STK32B: variants seen among roughly 807,000 people sequenced by gnomAD.
The protein encoded by STK32B is serine/threonine kinase 32B.
A neutral mutation model predicts 52.6 loss-of-function variants in STK32B; 43 were observed. That is an observed-to-expected ratio of 0.82 (90% CI 0.64 to 1.05). STK32B has a LOEUF of 1.05. Ranked by LOEUF, STK32B falls within the 50% of genes least tolerant of loss-of-function variation. The pLI is 0.00. For synonymous variants in STK32B, 238 were observed against 204.3 expected (o/e 1.17, Z -1.41); for missense variants, 621 against 534.6 (o/e 1.16, Z -1.59).
At chr4:5,367,202 C>A (rs967113948) in intron 4 of STK32B, among the ~76,000 whole-genome samples, 2 of 152,156 alleles carry the variant, frequency 1.3e-5, no homozygotes, top group Admixed American at 6.5e-5. Context: ...TGAAGTTGCT[C>A]TTGTCACCGT....
At chr4:5,084,823 A>C (rs1386470498) in intron 1 of STK32B, among the ~76,000 whole-genome samples, 1 of 152,232 alleles carries the variant, frequency 6.6e-6, no homozygotes, top group East Asian at 1.9e-4. Flanking sequence ...TTTTAAAGAC[A>C]ACCTTTAATG....
At chr4:5,233,181 A>G (rs68130454) in intron 3 of STK32B, among the ~76,000 whole-genome samples, 4,540 of 152,240 alleles carry the variant, frequency 0.03, 137 homozygotes, top group African/African-American at 0.077. Flanking sequence ...AGTAGCAGCA[A>G]TGGGGAATGG....
intron 3 of STK32B, among the ~76,000 whole-genome samples, chr4:5,302,484 G>A (rs1228933242): frequency 2.6e-5 from 4 of 151,922 alleles, no homozygotes; most frequent in Admixed American, 6.6e-5. Flanking sequence ...TTCTGAAATC[G>A]TCTGCATATA....
chr4:5,137,925 A>G (rs1716169474), intron 1 of STK32B, among the ~76,000 whole-genome samples: 1 of 139,486 alleles, frequency 7.2e-6, no homozygotes, highest in African/African-American at 3.2e-5. Flanking sequence ...GGTGCTATTC[A>G]GGGAACCCGT....
intron 1 of STK32B, among the ~76,000 whole-genome samples, chr4:5,084,076 C>T (rs1712587868): frequency 6.6e-6 from 1 of 152,178 alleles, no homozygotes; most frequent in East Asian, 1.9e-4. Flanking sequence ...CTGTTTCTCT[C>T]TGCAACACTA....
rs371842686 is a variant in STK32B at position 5,346,907 on chromosome 4, A to G, written c.434+15514A>G. Among the ~76,000 whole-genome samples, 17 of 152,332 alleles carry G rather than the reference A, an allele frequency of 1.1e-4. 1 individual carries two copies. Among genetic ancestry groups the G allele is most frequent in the African/African-American group, 3.8e-4 (16 of 41,576 alleles). On this transcript the variant is annotated intron_variant, in intron 4 of 11. Transcript: ENST00000282908. ...AATCATGGTGGAAAGGGAAGCAAGCATGTCTTAGATGGTGGCAAGTAAGAG... is the reference window on the plus strand; with the variant it reads ...AATCATGGTGGAAAGGGAAGCAAGCGTGTCTTAGATGGTGGCAAGTAAGAG...
chr4:5,105,731 T>C (rs1472288963), intron 1 of STK32B, among the ~76,000 whole-genome samples: 3 of 151,578 alleles, frequency 2.0e-5, no homozygotes, highest in South Asian at 2.1e-4. Context: ...GCCTGGCTAA[T>C]TTTTTGTATT....
At chr4:5,243,746 A>G (rs1031197561) in intron 3 of STK32B, among the ~76,000 whole-genome samples, 18 of 152,144 alleles carry the variant, frequency 1.2e-4, no homozygotes, top group Admixed American at 2.6e-4. Flanking sequence ...ATTTTGAGAT[A>G]TGTCCCATCA....
intron 3 of STK32B, among the ~76,000 whole-genome samples, chr4:5,272,029 T>C (rs1329652092): frequency 6.1e-5 from 9 of 148,456 alleles, no homozygotes; most frequent in East Asian, 2.0e-4. Flanking sequence ...TGGCCAGAAC[T>C]TCCAACACTA....
chr4:5,325,750 G>C (rs1731830113), intron 3 of STK32B, among the ~76,000 whole-genome samples: 1 of 152,214 alleles, frequency 6.6e-6, no homozygotes, highest in Admixed American at 6.5e-5. Context: ...CCATAGGTCA[G>C]AGTTACTGTG....
intron 3 of STK32B, among the ~76,000 whole-genome samples, chr4:5,191,988 G>A (rs1721245073): frequency 6.6e-6 from 1 of 152,186 alleles, no homozygotes; most frequent in African/African-American, 2.4e-5. Context: ...TCCAACCAGA[G>A]GCTGCACAGT....
intron 3 of STK32B, among the ~76,000 whole-genome samples, chr4:5,238,236 G>A (rs1005935471): frequency 4.6e-5 from 7 of 152,172 alleles, no homozygotes; most frequent in Admixed American, 4.6e-4. Context: ...TCTGAAATCT[G>A]TGGGAGAGGC....
chr4:5,189,638 A>T (rs1035134762), intron 3 of STK32B, among the ~76,000 whole-genome samples: 3 of 152,184 alleles, frequency 2.0e-5, no homozygotes, highest in Non-Finnish European at 1.5e-5. Flanking sequence ...GTTTTTCTGC[A>T]GACGTACATT....
intron 5 of STK32B, among the ~76,000 whole-genome samples, chr4:5,404,783 G>C (rs182965704): frequency 1.1e-4 from 16 of 151,826 alleles, no homozygotes; most frequent in African/African-American, 3.4e-4. Context: ...ATGGTAATGG[G>C]AATTTGGACT....
At chr4:5,068,587 A>G (rs560025573) in intron 1 of STK32B, among the ~76,000 whole-genome samples, 2 of 151,910 alleles carry the variant, frequency 1.3e-5, no homozygotes, top group South Asian at 4.2e-4. Context: ...ATAACTGAAA[A>G]GCTCTTTCCC....
At chr4:5,180,871 A>G (rs1369034500) in intron 3 of STK32B, among the ~76,000 whole-genome samples, 1 of 152,182 alleles carries the variant, frequency 6.6e-6, no homozygotes, top group Non-Finnish European at 1.5e-5. Context: ...TAAGCCTGTG[A>G]TGACCCAAGT....
Position 5,434,450 on chromosome 4 carries a change from G to GT in STK32B, c.563-12222dup, listed in dbSNP as rs1433116826. On this transcript the variant is annotated intron_variant, in intron 6 of 11. Coordinates refer to ENST00000282908, the MANE Select transcript of STK32B (RefSeq NM_018401.3). Reference sequence around the variant, plus strand: ...TGCATGTATGTGTGTGTGTGTGTGTGTGTGTATATATATATATATATATGA... The same window carrying GT: ...TGCATGTATGTGTGTGTGTGTGTGTGTTGTGTATATATATATATATATATGA... Among the ~76,000 whole-genome samples, 7 of 103,300 alleles carry GT rather than the reference G, an allele frequency of 6.8e-5. No homozygotes were observed. In the Admixed American group the frequency reaches 8.2e-4, roughly 12 times the overall value. 67.8% of individuals were successfully genotyped at this position (103,300 alleles called of 152,430 possible). A position where few individuals can be genotyped will look rare whatever the true frequency, so the allele number is the denominator to read the frequency against.
At chr4:5,073,033 A>T (rs1300330322) in intron 1 of STK32B, among the ~76,000 whole-genome samples, 1 of 152,048 alleles carries the variant, frequency 6.6e-6, no homozygotes, top group East Asian at 1.9e-4. Context: ...GCAGCTTTTT[A>T]ATTTATTTGT....
intron 7 of STK32B, among the ~76,000 whole-genome samples, chr4:5,451,588 G>C (rs1715998567): frequency 6.6e-6 from 1 of 152,134 alleles, no homozygotes; most frequent in Non-Finnish European, 1.5e-5. Context: ...AAAATGGGGA[G>C]AACAGTAGTA....
Sources: gnomAD v4.1 joint callset for allele counts (sites outside exome capture counted in the v4.1 genomes callset) on GRCh38, gnomAD v4.1.1 for gene constraint, MANE v1.5 for transcripts, NCBI Gene and HGNC (gene_info 2026-07-23, HGNC 2026-07-21) for gene names.